FAM110B: variants seen among roughly 807,000 people sequenced by gnomAD.
FAM110B encodes the protein protein FAM110B.
FAM110B carries 6 observed loss-of-function variants against 20.4 expected under a neutral mutation model. The ratio of observed to expected loss-of-function variants is 0.29; its 90% CI spans 0.16 to 0.58. The LOEUF is 0.58. FAM110B is among the 20% of genes least tolerant of loss of function. FAM110B has a pLI of 0.90. For synonymous variants in FAM110B, 226 were observed against 214.1 expected, an observed-to-expected ratio of 1.06 and a Z score of -0.49; for missense variants, 434 against 498.2, an observed-to-expected ratio of 0.87 and a Z score of 1.23.
At chr8:58,112,859 A>G (rs1054137020) in intron 3 of FAM110B, among the ~76,000 whole-genome samples, 2 of 152,244 alleles carry the variant, frequency 1.3e-5, no homozygotes, top group African/African-American at 2.4e-5. Context: ...TAAGGACTTA[A>G]GGGCTGCTGT....
Position 58,146,477 on chromosome 8 carries a change from C to A in FAM110B, c.247C>A (p.Pro83Thr), listed in dbSNP as rs1803866469. 1.9e-6 allele frequency: 3 copies of A among 1,613,478 alleles called. No individual in the cohort carries two copies. Among genetic ancestry groups the A allele is most frequent in the Admixed American group, 1.7e-5 (1 of 59,978 alleles). Residue 83 changes from proline (P) to threonine (T), a missense_variant, in exon 4 of 4, where the codon CCC (proline) becomes ACC (threonine). Coordinates refer to ENST00000519262, the MANE Select transcript of FAM110B (RefSeq NM_001377989.1). ...CGTGAAGCCCGCCGTGCTGGCCAAG[C>A]CCCCGGTGTGCCCGGCTGCCAAGCG... ...EPVKPAVLAK[P>T]PVCPAAKRAL...
intron 2 of FAM110B, among the ~76,000 whole-genome samples, chr8:58,072,908 G>C (rs1585861853): frequency 6.6e-6 from 1 of 152,180 alleles, no homozygotes; most frequent in Non-Finnish European, 1.5e-5. Context: ...AAGAGAAATG[G>C]GTAGTGCATG....
In FAM110B at chr8:58,146,237, A is replaced by G; in HGVS notation, c.7A>G (p.Thr3Ala). The change falls in exon 4 of 4, where the codon ACG (threonine) becomes GCG (alanine). Residue 3 changes from threonine to alanine, a missense_variant. Physicochemically the swap from Thr to Ala is moderately conservative, Grantham distance 58. Coordinates refer to ENST00000519262, the MANE Select transcript of FAM110B (RefSeq NM_001377989.1). MP[T>A]ETLQTGSMVK... Reference sequence around the variant, plus strand: ...CGGGGAAAGACCGCCCACCATGCCCACGGAGACCCTACAGACAGGTAGCAT... The same window carrying G: ...CGGGGAAAGACCGCCCACCATGCCCGCGGAGACCCTACAGACAGGTAGCAT... The G allele has an allele frequency of 6.3e-7, 1 of 1,596,850 alleles. No homozygotes were observed. Among genetic ancestry groups the G allele is most frequent in the Non-Finnish European group, 8.6e-7 (1 of 1,168,372 alleles).
At chr8:58,096,766 G>T (rs961132196) in intron 3 of FAM110B, among the ~76,000 whole-genome samples, 2 of 152,142 alleles carry the variant, frequency 1.3e-5, no homozygotes, top group Non-Finnish European at 2.9e-5. Context: ...GCATTTGCTT[G>T]TCTGTAAAGG....
At chr8:58,003,136 A>G (rs1804332926) in intron 1 of FAM110B, among the ~76,000 whole-genome samples, 1 of 152,210 alleles carries the variant, frequency 6.6e-6, no homozygotes, top group Non-Finnish European at 1.5e-5. Context: ...CAGCAGGAGT[A>G]GATTCCATCT....
At chr8:58,079,931 G>A (rs1806148020) in intron 3 of FAM110B, among the ~76,000 whole-genome samples, 1 of 152,210 alleles carries the variant, frequency 6.6e-6, no homozygotes. Context: ...ACAAAGATCA[G>A]CAGAGAGGAA....
intron 2 of FAM110B, among the ~76,000 whole-genome samples, chr8:58,057,685 C>A (rs1025767793): frequency 1.3e-5 from 2 of 152,188 alleles, no homozygotes; most frequent in Non-Finnish European, 2.9e-5. Flanking sequence ...CCAGCATGCT[C>A]CCAATTCTAC....
chr8:58,044,830 A>T (rs1362312484), intron 2 of FAM110B, among the ~76,000 whole-genome samples: 1 of 152,222 alleles, frequency 6.6e-6, no homozygotes, highest in African/African-American at 2.4e-5. Flanking sequence ...GGAAATTTTT[A>T]TGAGACAGGG....
chr8:58,084,441 G>T (rs1806279259), intron 3 of FAM110B, among the ~76,000 whole-genome samples: 1 of 150,350 alleles, frequency 6.7e-6, no homozygotes, highest in Non-Finnish European at 1.5e-5. Context: ...CCAGGCTGGA[G>T]TGCAGTGGTG....
At chr8:58,110,512 A>G (rs1807033607) in intron 3 of FAM110B, among the ~76,000 whole-genome samples, 3 of 152,242 alleles carry the variant, frequency 2.0e-5, no homozygotes, top group South Asian at 2.1e-4. Context: ...CTGATTATAT[A>G]TAGTGAAATC....
Position 58,147,406 on chromosome 8 carries a change from G to T in FAM110B, c.*63G>T. 4.5e-6 allele frequency: 7 copies of T among 1,549,676 alleles called. No individual in the cohort carries two copies. Among genetic ancestry groups the T allele is most frequent in the Non-Finnish European group, 6.1e-6 (7 of 1,144,660 alleles). On this transcript the variant is annotated 3_prime_UTR_variant, in exon 4 of 4. Transcript: ENST00000519262. Reference sequence around the variant, plus strand: ...CTTACGCAGTTGTGAAGGTTGTGAGGTCTCCTTGAAGTGTTGTGAGCTTCT... The same window carrying T: ...CTTACGCAGTTGTGAAGGTTGTGAGTTCTCCTTGAAGTGTTGTGAGCTTCT...
At chr8:58,037,178 A>G (rs186898872) in intron 2 of FAM110B, among the ~76,000 whole-genome samples, 19 of 152,232 alleles carry the variant, frequency 1.2e-4, no homozygotes, top group Non-Finnish European at 2.2e-4. Context: ...CAAACCTACT[A>G]TCTATAGTAA....
chr8:58,024,859 T>TA (rs2150570817), intron 1 of FAM110B, among the ~76,000 whole-genome samples: 1 of 152,278 alleles, frequency 6.6e-6, no homozygotes, highest in Admixed American at 6.5e-5. Flanking sequence ...AGAGAGTATA[T>TA]TAGCTAATCA....
chr8:58,097,459 G>A (rs924475311), intron 3 of FAM110B, among the ~76,000 whole-genome samples: 6 of 152,004 alleles, frequency 3.9e-5, no homozygotes, highest in Admixed American at 3.9e-4. Context: ...TTTTTTCAAG[G>A]TTCTTAGCTT....
intron 2 of FAM110B, among the ~76,000 whole-genome samples, chr8:58,052,937 T>G (rs112324939): frequency 6.7e-6 from 1 of 148,848 alleles, no homozygotes; most frequent in Non-Finnish European, 1.5e-5. Flanking sequence ...AGGCGCCCGC[T>G]ACCACGCCCG....
chr8:58,146,976 G>C lies in FAM110B; in HGVS notation c.746G>C (p.Gly249Ala), dbSNP rs1201307306. 2.5e-6 allele frequency: 4 copies of C among 1,614,222 alleles called. No individual in the cohort carries two copies. Among genetic ancestry groups the C allele is most frequent in the Non-Finnish European group, 3.4e-6 (4 of 1,180,040 alleles). Residue 249 changes from glycine to alanine, a missense_variant, in exon 4 of 4, where the codon GGA becomes GCA. Physicochemically the swap from Gly to Ala is moderately conservative, Grantham distance 60. This residue lies in a region of FAM110B where 284 missense variants were observed against 278.3 expected (regional missense o/e 1.02). Coordinates refer to ENST00000519262, the MANE Select transcript of FAM110B (RefSeq NM_001377989.1). ...PEADPVEPAC[G>A]VSRRPSLQRS... ...GCCGACCCTGTGGAACCAGCTTGTG[G>C]AGTCAGCCGAAGACCCTCCCTCCAG...
intron 2 of FAM110B, among the ~76,000 whole-genome samples, chr8:58,062,471 G>A (rs1805677141): frequency 6.6e-6 from 1 of 152,078 alleles, no homozygotes; most frequent in South Asian, 2.1e-4. Flanking sequence ...TTGGTCTCTA[G>A]ATATAATAAA....
intron 1 of FAM110B, among the ~76,000 whole-genome samples, chr8:58,015,110 C>T (rs182660698): frequency 3.9e-5 from 6 of 152,338 alleles, no homozygotes; most frequent in Admixed American, 6.5e-5. Flanking sequence ...AATCCCAGCA[C>T]TTTGGGAGGC....
intron 3 of FAM110B, among the ~76,000 whole-genome samples, chr8:58,106,911 C>T (rs1806931937): frequency 6.6e-6 from 1 of 152,190 alleles, no homozygotes; most frequent in African/African-American, 2.4e-5. Flanking sequence ...TTTCCCTTCA[C>T]ATTTATAACT....
Sources: allele counts gnomAD v4.1 joint callset (sites outside exome capture counted in the v4.1 genomes callset), GRCh38; gene constraint gnomAD v4.1.1; regional missense constraint gnomAD v4.1.1; transcripts MANE v1.5; gene names NCBI Gene and HGNC (gene_info 2026-07-23, HGNC 2026-07-21).